Variants in RBFOX1 observed in about 807,000 individuals in gnomAD.
RBFOX1 encodes RNA binding protein fox-1 homolog 1.
In RBFOX1, 8 loss-of-function variants were observed where a neutral mutation model predicts 57.7. The ratio of observed to expected loss-of-function variants is 0.14; its 90% confidence interval spans 0.08 to 0.25. The LOEUF (loss-of-function observed/expected upper bound fraction) is 0.25. Ranked by LOEUF, RBFOX1 falls within the 10% of genes least tolerant of loss-of-function variation. The pLI is 1.00. For missense variants in RBFOX1, 611 were observed against 548.5 expected, an observed-to-expected ratio of 1.11 and a Z score of -1.14; for synonymous variants, 326 against 222.4, an observed-to-expected ratio of 1.47 and a Z score of -4.15.
chr16:6,921,638 TATATATA>T (rs781359395), intron 3 of RBFOX1, among the ~76,000 whole-genome samples: 811 of 70,164 alleles, frequency 0.012, 3 homozygotes, highest in Non-Finnish European at 0.015. Flanking sequence ...TATATATATA[TATATATA>T]TTTTTTTTTT....
At chr16:6,323,215 T>G (rs1463380228) in intron 2 of RBFOX1, among the ~76,000 whole-genome samples, 1 of 152,152 alleles carries the variant, frequency 6.6e-6, no homozygotes, top group Non-Finnish European at 1.5e-5. Context: ...TAATAAAGAA[T>G]GGAAGTTACA....
At position 5,909,090 on chromosome 16, in the gene RBFOX1, C is replaced by CTTTTTTT. The variant is rs3041577; in HGVS notation, c.351+41769_351+41775dup. Among the ~76,000 whole-genome samples, 595 of 116,260 alleles carry CTTTTTTT rather than the reference C, an allele frequency of 5.1e-3. 38 individuals carry two copies. The highest frequency in any genetic ancestry group is 7.6e-3 in the East Asian group (29 of 3,820). The allele number at this position is 116,260 out of a possible 152,430, so 76.3% of individuals were successfully genotyped here. On this transcript the variant is annotated intron_variant, in intron 4 of 19. Transcript: ENST00000641259. Reference sequence around the variant, plus strand: ...ATCGGCTCCAACAGACTAAGCCCCCCTTTTTTTTTTTTTTTTTTTTGAGAC... The same window carrying CTTTTTTT: ...ATCGGCTCCAACAGACTAAGCCCCCCTTTTTTTTTTTTTTTTTTTTTTTTTTTGAGAC...
chr16:6,867,282 G>A (rs1315817418), intron 3 of RBFOX1, among the ~76,000 whole-genome samples: 1 of 152,004 alleles, frequency 6.6e-6, no homozygotes, highest in African/African-American at 2.4e-5. Context: ...CATGGATGGA[G>A]GAGAGATCCA....
At position 6,675,314 on chromosome 16, in the gene RBFOX1, C is replaced by G. The variant is rs555873882; in HGVS notation, c.-16+20664C>G. Among the ~76,000 whole-genome samples the G allele has an allele frequency of 3.3e-4, 50 of 152,246 alleles. No homozygotes were observed. The South Asian group carries it at 8.9e-3, about 27-fold the overall frequency. On this transcript the variant is annotated intron_variant, in intron 3 of 15. Transcript: ENST00000550418. Reference sequence around the variant, plus strand: ...GAGGGATATCTGGCTTTAGGTATGCCTAAATGTAGGTGCTCTTGCAAATGT... The same window carrying G: ...GAGGGATATCTGGCTTTAGGTATGCGTAAATGTAGGTGCTCTTGCAAATGT...
At chr16:5,715,429 A>G (rs2051659895) in intron 3 of RBFOX1, among the ~76,000 whole-genome samples, 1 of 152,234 alleles carries the variant, frequency 6.6e-6, no homozygotes. Context: ...ATTGAAGGAT[A>G]TTTATGGTGT....
chr16:5,565,259 G>T (rs573461396), intron 2 of RBFOX1, among the ~76,000 whole-genome samples: 1 of 152,244 alleles, frequency 6.6e-6, no homozygotes, highest in African/African-American at 2.4e-5. Context: ...GAAAACTGGT[G>T]TGTGTGTGTG....
intron 1 of RBFOX1, among the ~76,000 whole-genome samples, chr16:6,301,459 T>C (rs2078813191): frequency 6.6e-6 from 1 of 152,172 alleles, no homozygotes; most frequent in Non-Finnish European, 1.5e-5. Context: ...TTTCTGATTT[T>C]TGTGAAAGAT....
intron 1 of RBFOX1, among the ~76,000 whole-genome samples, chr16:6,315,362 G>GTGGGTGGATGGA (rs1555621093): frequency 2.0e-5 from 3 of 150,034 alleles, no homozygotes; most frequent in Non-Finnish European, 4.4e-5. Context: ...GAATGGGTGG[G>GTGGGTGGATGGA]TGGATGGATG....
chr16:5,537,291 A>G (rs1730112156), intron 2 of RBFOX1, among the ~76,000 whole-genome samples: 1 of 152,212 alleles, frequency 6.6e-6, no homozygotes, highest in Non-Finnish European at 1.5e-5. Flanking sequence ...GCCCAATTCC[A>G]AAGCCAATTC....
chr16:6,686,817 C>A (rs1238399795), intron 3 of RBFOX1, among the ~76,000 whole-genome samples: 1 of 152,192 alleles, frequency 6.6e-6, no homozygotes, highest in African/African-American at 2.4e-5. Flanking sequence ...ACAGATTGCA[C>A]GTCCTTTTTA....
intron 2 of RBFOX1, among the ~76,000 whole-genome samples, chr16:5,476,078 C>T (rs1023352286): frequency 2.6e-5 from 4 of 152,146 alleles, no homozygotes; most frequent in African/African-American, 9.7e-5. Context: ...GTGCCCCCTC[C>T]TTCTCTTAGA....
chr16:6,006,610 G>A (rs1424129), intron 4 of RBFOX1, among the ~76,000 whole-genome samples: 25,271 of 152,150 alleles, frequency 0.17, 2,624 homozygotes, highest in African/African-American at 0.29. Flanking sequence ...TATTACACCT[G>A]TGTGTCCATA....
intron 4 of RBFOX1, among the ~76,000 whole-genome samples, chr16:5,926,377 G>C (rs1217120970): frequency 6.6e-6 from 1 of 152,030 alleles, no homozygotes; most frequent in African/African-American, 2.4e-5. Context: ...CAGCTTCCTA[G>C]GGAGTCTTTG....
intron 4 of RBFOX1, among the ~76,000 whole-genome samples, chr16:7,420,945 A>AC (rs2098536646): frequency 6.7e-6 from 1 of 148,338 alleles, no homozygotes; most frequent in African/African-American, 2.5e-5. Flanking sequence ...ATATACACAC[A>AC]CACACACACA....
At chr16:7,341,712 T>C (rs1397823124) in intron 4 of RBFOX1, among the ~76,000 whole-genome samples, 2 of 146,406 alleles carry the variant, frequency 1.4e-5, no homozygotes, top group Non-Finnish European at 3.0e-5. Flanking sequence ...CCTTCCTTCC[T>C]TCCTTCCCTC....
chr16:7,441,127 A>C (rs1001986654), intron 4 of RBFOX1, among the ~76,000 whole-genome samples: 1 of 152,190 alleles, frequency 6.6e-6, no homozygotes, highest in Non-Finnish European at 1.5e-5. Context: ...GCCTTCCTCT[A>C]TATGAGGTGG....
At chr16:7,303,470 T>C (rs1009444829) in intron 4 of RBFOX1, among the ~76,000 whole-genome samples, 2 of 152,198 alleles carry the variant, frequency 1.3e-5, no homozygotes, top group African/African-American at 4.8e-5. Flanking sequence ...ATTGTCCAGC[T>C]CGCCTGATGC....
intron 2 of RBFOX1, among the ~76,000 whole-genome samples, chr16:5,521,518 C>A (rs1466969759): frequency 2.3e-5 from 1 of 43,222 alleles, no homozygotes; most frequent in Non-Finnish European, 5.4e-5. Flanking sequence ...ACGAACCTAT[C>A]TGTAAACTAT....
chr16:7,093,017 T>A (rs1470514713), intron 4 of RBFOX1, among the ~76,000 whole-genome samples: 1 of 152,240 alleles, frequency 6.6e-6, no homozygotes, highest in Non-Finnish European at 1.5e-5. Flanking sequence ...CATTTTTGTT[T>A]TGGAGAGAGA....
Sources: gnomAD v4.1 joint callset for allele counts (sites outside exome capture counted in the v4.1 genomes callset) on GRCh38, gnomAD v4.1.1 for gene constraint, MANE v1.5 for transcripts, NCBI Gene and HGNC (gene_info 2026-07-23, HGNC 2026-07-21) for gene names.